Variants in SLC71A1 observed in about 807,000 individuals in gnomAD.
SLC71A1 encodes the protein solute carrier family 71 member 1, also known as hippocampus abundant gene transcript 1.
At chr1:100,071,180 C>T in the SLC71A1 span, among the ~76,000 whole-genome samples, 5 of 146,980 alleles carry the variant, frequency 3.4e-5, no homozygotes, top group African/African-American at 7.5e-5. Flanking sequence ...AGGCCAGGTG[C>T]GGTGGTTCAT....
chr1:100,042,987 A>G, the SLC71A1 span: 3 of 510,952 alleles, frequency 5.9e-6, no homozygotes, highest in Non-Finnish European at 7.6e-6. Context: ...AGCATCATTA[A>G]TTACTTAGCT....
At chr1:100,071,289 C>CAAAAAAAAAAAAA in the SLC71A1 span, among the ~76,000 whole-genome samples, 82 of 53,396 alleles carry the variant, frequency 1.5e-3, 1 homozygote, top group South Asian at 2.8e-3. Flanking sequence ...CCATCTCTAC[C>CAAAAAAAAAAAAA]AAAAAAAAAA....
the SLC71A1 span, among the ~76,000 whole-genome samples, chr1:100,063,998 T>C: frequency 1.3e-5 from 2 of 152,198 alleles, no homozygotes; most frequent in African/African-American, 4.8e-5. Context: ...CATTTTCCCT[T>C]TCCCCACACT....
At chr1:100,060,023 T>G in the SLC71A1 span, 1 of 1,575,910 alleles carries the variant, frequency 6.3e-7, no homozygotes. Context: ...CACATTTAGA[T>G]TATAGCAACT....
At chr1:100,051,400 A>G in the SLC71A1 span, among the ~76,000 whole-genome samples, 1 of 151,950 alleles carries the variant, frequency 6.6e-6, no homozygotes, top group Non-Finnish European at 1.5e-5. Flanking sequence ...AAAAATAAAA[A>G]GTCATTTTGA....
chr1:100,059,846 T>C, the SLC71A1 span: 2 of 1,574,920 alleles, frequency 1.3e-6, no homozygotes, highest in Non-Finnish European at 1.7e-6. Flanking sequence ...CATAGATGTG[T>C]GGTATTCATT....
the SLC71A1 span, chr1:100,058,156 A>C: frequency 6.6e-6 from 1 of 152,226 alleles, no homozygotes; most frequent in Non-Finnish European, 1.5e-5. Flanking sequence ...ACATTTTCAT[A>C]GGTTGGGATT....
At chr1:100,060,889 A>G in the SLC71A1 span, among the ~76,000 whole-genome samples, 4 of 152,114 alleles carry the variant, frequency 2.6e-5, no homozygotes, top group Admixed American at 2.0e-4. Context: ...CTGAGTATTA[A>G]TGTTAGTTCT....
At chr1:100,061,897 C>G in the SLC71A1 span, 1 of 1,613,544 alleles carries the variant, frequency 6.2e-7, no homozygotes, top group South Asian at 1.1e-5. Context: ...GTGGTATTTG[C>G]ATACGTAGCA....
the SLC71A1 span, chr1:100,060,104 G>A: frequency 8.7e-7 from 1 of 1,154,868 alleles, no homozygotes; most frequent in South Asian, 1.8e-5. Context: ...TTGGTTATGA[G>A]GTTTTAATTT....
At chr1:100,061,769 A>T in the SLC71A1 span, 9 of 1,028,636 alleles carry the variant, frequency 8.7e-6, no homozygotes, top group Non-Finnish European at 1.4e-5. Context: ...ATTAACTTAT[A>T]AAAATGAAAG....
chr1:100,049,188 A>G, the SLC71A1 span, among the ~76,000 whole-genome samples: 3 of 152,222 alleles, frequency 2.0e-5, no homozygotes, highest in Non-Finnish European at 4.4e-5. Flanking sequence ...TGGCAGCGGT[A>G]TAAACTTAAT....
At chr1:100,054,843 A>T in the SLC71A1 span, among the ~76,000 whole-genome samples, 1 of 152,178 alleles carries the variant, frequency 6.6e-6, no homozygotes, top group South Asian at 2.1e-4. Context: ...TACTTGTTAT[A>T]TTTGTCTGTT....
chr1:100,055,345 ATTT>A, the SLC71A1 span, among the ~76,000 whole-genome samples: 1 of 140,250 alleles, frequency 7.1e-6, no homozygotes, highest in African/African-American at 2.6e-5. Context: ...CTTTTTTGCA[ATTT>A]TTTTTTTTTT....
At chr1:100,048,432 G>A in the SLC71A1 span, among the ~76,000 whole-genome samples, 3 of 152,226 alleles carry the variant, frequency 2.0e-5, no homozygotes, top group South Asian at 6.2e-4. Flanking sequence ...TGCCCACCTT[G>A]GCCTCCCAAA....
the SLC71A1 span, among the ~76,000 whole-genome samples, chr1:100,054,198 C>A: frequency 1.3e-5 from 2 of 151,278 alleles, no homozygotes; most frequent in South Asian, 2.1e-4. Flanking sequence ...CATGTCACCA[C>A]GCCCAGCTAA....
chr1:100,044,251 A>C, the SLC71A1 span, among the ~76,000 whole-genome samples: 36 of 152,290 alleles, frequency 2.4e-4, no homozygotes, highest in Admixed American at 2.3e-3. Context: ...TTCTTGCAGG[A>C]GTAAATGATA....
At chr1:100,073,122 C>T in the SLC71A1 span, among the ~76,000 whole-genome samples, 1 of 152,278 alleles carries the variant, frequency 6.6e-6, no homozygotes, top group African/African-American at 2.4e-5. Flanking sequence ...CCTAACCTTA[C>T]ATTCAGCCCA....
chr1:100,038,817 C>T, the SLC71A1 span, among the ~76,000 whole-genome samples: 1 of 152,238 alleles, frequency 6.6e-6, no homozygotes, highest in African/African-American at 2.4e-5. Flanking sequence ...CGTTCGCTTT[C>T]TGTTTCCACG....
Sources: gnomAD v4.1 joint callset for allele counts (sites outside exome capture counted in the v4.1 genomes callset) on GRCh38, gnomAD v4.1.1 for gene constraint, MANE v1.5 for transcripts, NCBI Gene and HGNC (gene_info 2026-07-23, HGNC 2026-07-21) for gene names.